ARHGAP26: variants seen among roughly 807,000 people sequenced by gnomAD.
ARHGAP26 encodes rho GTPase-activating protein 26.
In ARHGAP26, 38 loss-of-function variants were observed where a neutral mutation model predicts 104.8. That is an observed-to-expected ratio of 0.36 (90% CI 0.28 to 0.48). ARHGAP26 has a LOEUF of 0.48. ARHGAP26 is among the 20% of genes least tolerant of loss of function. The pLI is 0.99. For missense variants in ARHGAP26, 704 were observed against 947.9 expected (o/e 0.74, Z 3.38); for synonymous variants, 341 against 340.0 (o/e 1.00, Z -0.03).
rs535990097 is a variant in ARHGAP26 at position 143,224,263 on chromosome 5, T to C, written c.*1817T>C. The C allele has an allele frequency of 4.3e-5, 10 of 232,222 alleles. No homozygotes were observed. Among genetic ancestry groups the C allele is most frequent in the East Asian group, 3.0e-4 (5 of 16,396 alleles). The allele number at this position is 232,222 out of a possible 1,614,324, so 14.4% of individuals were successfully genotyped here. A position where few individuals can be genotyped will look rare whatever the true frequency, so the allele number is the denominator to read the frequency against. ...AAGAGGGAGAGAGGGGAGGCAAAGC[T>C]GAAGAGAGTCAAGGTCACTGTCCCC... On this transcript the variant is annotated 3_prime_UTR_variant, in exon 23 of 23. Coordinates refer to ENST00000645722, the MANE Select transcript of ARHGAP26 (RefSeq NM_001135608.3).
chr5:143,220,833 C>A (rs1811037123), intron 22 of ARHGAP26, among the ~76,000 whole-genome samples: 1 of 152,208 alleles, frequency 6.6e-6, no homozygotes, highest in Non-Finnish European at 1.5e-5. Context: ...CTGGAAGCCT[C>A]AAGGCTGATT....
chr5:143,067,025 C>T (rs892411026), intron 17 of ARHGAP26, among the ~76,000 whole-genome samples: 1 of 151,652 alleles, frequency 6.6e-6, no homozygotes, highest in Non-Finnish European at 1.5e-5. Context: ...TCCCCCTCCC[C>T]CTCCTCTGCC....
chr5:143,008,443 G>C (rs998929056), intron 11 of ARHGAP26, among the ~76,000 whole-genome samples: 3 of 152,210 alleles, frequency 2.0e-5, no homozygotes, highest in Non-Finnish European at 2.9e-5. Flanking sequence ...TGTAGAACCA[G>C]CCTGTTGTTT....
At chr5:142,811,858 A>G (rs1189822397) in intron 1 of ARHGAP26, among the ~76,000 whole-genome samples, 1 of 152,148 alleles carries the variant, frequency 6.6e-6, no homozygotes, top group Admixed American at 6.5e-5. Flanking sequence ...CTTCAGTAGC[A>G]CCCAACTGAA....
chr5:143,041,738 A>G, intron 13 of ARHGAP26, 78 bp from the exon 14 acceptor site: 1 of 1,124,544 alleles, frequency 8.9e-7, no homozygotes. Context: ...AAAAAAAAAA[A>G]AAAGTGCATT....
intron 11 of ARHGAP26, among the ~76,000 whole-genome samples, chr5:142,977,584 T>G (rs1411478817): frequency 6.6e-6 from 1 of 152,222 alleles, no homozygotes; most frequent in Non-Finnish European, 1.5e-5. Context: ...GCCTCCAGTC[T>G]TTGCGTTGAA....
chr5:143,000,630 A>G (rs1286829092), intron 11 of ARHGAP26, among the ~76,000 whole-genome samples: 1 of 152,248 alleles, frequency 6.6e-6, no homozygotes, highest in Non-Finnish European at 1.5e-5. Context: ...ACCAATTCAA[A>G]TGCTCATCAA....
At chr5:143,054,698 A>G (rs1372695480) in intron 15 of ARHGAP26, among the ~76,000 whole-genome samples, 172 bp downstream of exon 15, 1 of 152,196 alleles carries the variant, frequency 6.6e-6, no homozygotes, top group Non-Finnish European at 1.5e-5. Context: ...TAAATCATCC[A>G]TAGTTGATGG....
At position 142,868,359 on chromosome 5, in the gene ARHGAP26, G is replaced by A. The variant is rs1754697625; in HGVS notation, c.155-5041G>A. On this transcript the variant is annotated intron_variant, in intron 1 of 22. Transcript: ENST00000645722. ...GCAGGGCCTCTCAGGCCTTGGGAGG[G>A]ACTTTCGTCTTCACCTCCAGAGCTC... 2.6e-5 allele frequency among the ~76,000 whole-genome samples: 4 copies of A among 152,326 alleles called. No individual in the cohort carries two copies. In the South Asian group the frequency reaches 8.3e-4, roughly 32 times the overall value.
chr5:143,040,238 T>A (rs1783257448), intron 13 of ARHGAP26, among the ~76,000 whole-genome samples: 1 of 152,238 alleles, frequency 6.6e-6, no homozygotes, highest in Non-Finnish European at 1.5e-5. Context: ...GACCAGGGAC[T>A]CCTAGTCCGT....
chr5:142,962,530 C>T (rs1157684410), intron 11 of ARHGAP26, among the ~76,000 whole-genome samples: 2 of 151,672 alleles, frequency 1.3e-5, no homozygotes, highest in African/African-American at 2.4e-5. Flanking sequence ...AATCTTTTCC[C>T]AGGTTATAGG....
chr5:143,088,462 CAAATTGTTAAAAAA>C (rs1172657805), intron 17 of ARHGAP26, among the ~76,000 whole-genome samples: 1 of 148,082 alleles, frequency 6.8e-6, no homozygotes, highest in Non-Finnish European at 1.5e-5. Flanking sequence ...GGGTTTGGAC[CAAATTGTTAAAAAA>C]AAAAAGTGGT....
chr5:142,923,187 G>A (rs1443418169), intron 10 of ARHGAP26, among the ~76,000 whole-genome samples: 2 of 152,054 alleles, frequency 1.3e-5, no homozygotes, highest in African/African-American at 4.8e-5. Context: ...TTGATTGGGA[G>A]GGTGATTGAG....
At chr5:142,968,393 T>G (rs1771738486) in intron 11 of ARHGAP26, among the ~76,000 whole-genome samples, 2 of 152,222 alleles carry the variant, frequency 1.3e-5, no homozygotes. Flanking sequence ...AGCCTGTCCT[T>G]TCTCAAAAAA....
chr5:142,860,931 C>T lies in ARHGAP26; in HGVS notation c.155-12469C>T, dbSNP rs530494516. 7.9e-5 allele frequency among the ~76,000 whole-genome samples: 12 copies of T among 152,302 alleles called. No individual in the cohort carries two copies. The South Asian group carries it at 2.5e-3, about 32-fold the overall frequency. Reference sequence around the variant, plus strand: ...AGAACTGCCTGGGAAGCCCAGGCTCCTAGGCCTCAGCCCTAGAGATTTTGA... The same window carrying T: ...AGAACTGCCTGGGAAGCCCAGGCTCTTAGGCCTCAGCCCTAGAGATTTTGA... On this transcript the variant is annotated intron_variant, in intron 1 of 22. Transcript: ENST00000645722.
At chr5:142,868,242 T>C (rs1754673682) in intron 1 of ARHGAP26, among the ~76,000 whole-genome samples, 1 of 152,068 alleles carries the variant, frequency 6.6e-6, no homozygotes, top group African/African-American at 2.4e-5. Flanking sequence ...AGAGGTGGCA[T>C]GTGGTGGCAG....
chr5:142,955,089 C>T (rs1769007726), intron 11 of ARHGAP26, among the ~76,000 whole-genome samples: 1 of 140,352 alleles, frequency 7.1e-6, no homozygotes, highest in Non-Finnish European at 1.5e-5. Context: ...CATAGTGAGA[C>T]CTGTCTACAC....
chr5:143,153,610 C>G (rs894995033), intron 20 of ARHGAP26, among the ~76,000 whole-genome samples: 10 of 152,176 alleles, frequency 6.6e-5, no homozygotes, highest in African/African-American at 2.4e-4. Flanking sequence ...TAAATGCCTT[C>G]TTTAGACCAC....
chr5:143,165,929 A>T (rs1346061409), intron 20 of ARHGAP26: 1 of 763,066 alleles, frequency 1.3e-6, no homozygotes, highest in Non-Finnish European at 1.8e-6. Context: ...ATGAAATGAA[A>T]TAGTTCATGT....
Sources: gnomAD v4.1 joint callset for allele counts (sites outside exome capture counted in the v4.1 genomes callset) on GRCh38, gnomAD v4.1.1 for gene constraint, MANE v1.5 for transcripts, NCBI Gene and HGNC (gene_info 2026-07-23, HGNC 2026-07-21) for gene names.